LRFN5: variants seen among roughly 807,000 people sequenced by gnomAD.
The protein encoded by LRFN5 is leucine-rich repeat and fibronectin type-III domain-containing protein 5.
Under a neutral mutation model 45.6 loss-of-function variants are expected in LRFN5, and 24 were observed. That is an observed-to-expected ratio of 0.53 (90% confidence interval 0.38 to 0.74). LRFN5 has a LOEUF of 0.74. Among genes scored for constraint, LRFN5 ranks in the 30% least tolerant of loss-of-function variants. LRFN5 has a pLI of 0.00. For missense variants in LRFN5, 776 were observed against 861.5 expected, an observed-to-expected ratio of 0.90 and a Z score of 1.24; for synonymous variants, 340 against 313.8, an observed-to-expected ratio of 1.08 and a Z score of -0.88.
At chr14:41,797,876 T>A (rs1167477113) in intron 2 of LRFN5, among the ~76,000 whole-genome samples, 1 of 151,916 alleles carries the variant, frequency 6.6e-6, no homozygotes, top group Non-Finnish European at 1.5e-5. Context: ...CTTCTCAATT[T>A]TGAATTTTTT....
chr14:41,775,861 T>G (rs2138904227), intron 2 of LRFN5, among the ~76,000 whole-genome samples: 1 of 152,364 alleles, frequency 6.6e-6, no homozygotes, highest in Non-Finnish European at 1.5e-5. Context: ...TCAACATTTC[T>G]TATATGCATC....
At position 41,887,935 on chromosome 14, in the gene LRFN5, T is replaced by G; in HGVS notation, c.1310T>G (p.Phe437Cys). Residue 437 changes from phenylalanine (F) to cysteine (C), a missense_variant, in exon 3 of 6, where the codon TTT (phenylalanine) becomes TGT (cysteine). This residue lies in a region of LRFN5 where 465 missense variants were observed against 456.4 expected (regional missense o/e 1.02). Transcript: ENST00000298119. The surrounding 1 kb of genome is among the most constrained non-coding windows in gnomAD (Gnocchi z 4.8). ...TSSTALLKFN[F>C]QRNIPGIRMF... is the part of the protein sequence containing the mutation. ...TCAACGGCACTACTTAAATTTAATT[T>G]TCAAAGAAATATCCCTGGAATACGT... The G allele has an allele frequency of 6.2e-7, 1 of 1,613,862 alleles. No homozygotes were observed. Among genetic ancestry groups the G allele is most frequent in the South Asian group, 1.1e-5 (1 of 91,052 alleles).
chr14:41,758,084 G>T (rs1885491771), intron 1 of LRFN5, among the ~76,000 whole-genome samples: 1 of 152,100 alleles, frequency 6.6e-6, no homozygotes, highest in South Asian at 2.1e-4. Context: ...CTTTGAAGGT[G>T]TCTTCTCTTT....
intron 1 of LRFN5, among the ~76,000 whole-genome samples, chr14:41,667,798 A>G (rs1880973352): frequency 6.6e-6 from 1 of 152,088 alleles, no homozygotes; most frequent in African/African-American, 2.4e-5. Context: ...ATTCTTCCCA[A>G]TGCTGAATCA....
rs1566613163 is a variant in LRFN5 at position 41,671,619 on chromosome 14, T to TTTTTTTTTTTG, written c.-197+63067_-197+63068insGTTTTTTTTTT. ...TGGAGGAGAGATTTTTTTTTTTCGT[T>TTTTTTTTTTTG]TTTTTTTTTTTTTTTTTTACGGAGT... is the stretch of plus-strand genomic sequence containing the variant. On this transcript the variant is annotated intron_variant, in intron 1 of 5. Coordinates refer to ENST00000298119, the MANE Select transcript of LRFN5 (RefSeq NM_152447.5). Among the ~76,000 whole-genome samples the TTTTTTTTTTTG allele has an allele frequency of 2.9e-4, 37 of 125,732 alleles. No individual in the cohort carries two copies. The East Asian group carries it at 0.01, about 34-fold the overall frequency. The allele number at this position is 125,732 out of a possible 152,430, so 82.5% of individuals were successfully genotyped here.
chr14:41,871,433 T>A (rs1165394365), intron 2 of LRFN5, among the ~76,000 whole-genome samples: 5 of 151,670 alleles, frequency 3.3e-5, no homozygotes, highest in African/African-American at 1.2e-4. Context: ...ACTAAAAAAT[T>A]CAAAAATTAG....
At chr14:41,803,581 A>G (rs1462323702) in intron 2 of LRFN5, among the ~76,000 whole-genome samples, 1 of 151,820 alleles carries the variant, frequency 6.6e-6, no homozygotes, top group Non-Finnish European at 1.5e-5. Context: ...TTTTGAACTC[A>G]AGCAATTTTC....
intron 1 of LRFN5, among the ~76,000 whole-genome samples, chr14:41,703,382 G>GA (rs1437037888): frequency 1.3e-5 from 2 of 151,804 alleles, no homozygotes; most frequent in East Asian, 3.9e-4. Flanking sequence ...TATTTTTCCT[G>GA]AAAAATCAAG....
Position 41,704,438 on chromosome 14 carries a change from C to CTGTGTGTGTGTGTGTGTGTGTG in LRFN5, c.-196-62415_-196-62414insGTGTGTGTGTGTGTGTGTGTGT, listed in dbSNP as rs199862342. Among the ~76,000 whole-genome samples, 47 of 111,688 alleles carry CTGTGTGTGTGTGTGTGTGTGTG rather than the reference C, an allele frequency of 4.2e-4. 1 individual carries two copies. The highest frequency in any genetic ancestry group is 1.1e-3 in the African/African-American group (28 of 24,576). The allele number at this position is 111,688 out of a possible 152,430, so 73.3% of individuals were successfully genotyped here. A position where few individuals can be genotyped will look rare whatever the true frequency, so the allele number is the denominator to read the frequency against. Reference sequence around the variant, plus strand: ...TCTCTCTCTCTCTCTCTCTCTCTCTCTCTCTCTCTCTGTGTGTGTGTGTCT... The same window carrying CTGTGTGTGTGTGTGTGTGTGTG: ...TCTCTCTCTCTCTCTCTCTCTCTCTCTGTGTGTGTGTGTGTGTGTGTGTCTCTCTCTCTGTGTGTGTGTGTCT... On this transcript the variant is annotated intron_variant, in intron 1 of 5. Coordinates refer to ENST00000298119, the MANE Select transcript of LRFN5 (RefSeq NM_152447.5).
At chr14:41,802,727 A>T (rs1887380532) in intron 2 of LRFN5, among the ~76,000 whole-genome samples, 1 of 152,154 alleles carries the variant, frequency 6.6e-6, no homozygotes, top group Non-Finnish European at 1.5e-5. Flanking sequence ...GATGACATTC[A>T]TAGGCAGGAT....
intron 2 of LRFN5, among the ~76,000 whole-genome samples, chr14:41,839,100 A>G (rs1888767302): frequency 6.6e-6 from 1 of 152,112 alleles, no homozygotes; most frequent in African/African-American, 2.4e-5. Flanking sequence ...TATTCTACCT[A>G]CTACTGAACA....
At chr14:41,890,389 A>C (rs1228078303) in intron 3 of LRFN5, among the ~76,000 whole-genome samples, 3 of 152,156 alleles carry the variant, frequency 2.0e-5, no homozygotes, top group African/African-American at 7.2e-5. Context: ...GACTGCATTA[A>C]AAAAGGATTA....
At chr14:41,755,717 C>G (rs908562224) in intron 1 of LRFN5, among the ~76,000 whole-genome samples, 2 of 152,164 alleles carry the variant, frequency 1.3e-5, no homozygotes, top group African/African-American at 4.8e-5. Context: ...GACTCTTTAT[C>G]CAATTTGCCA....
intron 1 of LRFN5, among the ~76,000 whole-genome samples, chr14:41,710,299 A>C (rs912479657): frequency 1.3e-5 from 2 of 152,142 alleles, no homozygotes; most frequent in African/African-American, 4.8e-5. Context: ...AAAGGACTTC[A>C]AATTAATGAA....
chr14:41,780,400 G>A (rs373163844), intron 2 of LRFN5, among the ~76,000 whole-genome samples: 2 of 151,912 alleles, frequency 1.3e-5, no homozygotes, highest in African/African-American at 4.8e-5. Flanking sequence ...GTGTCTTCCT[G>A]AAGAATTGAC....
chr14:41,804,225 T>G (rs2138975344), intron 2 of LRFN5, among the ~76,000 whole-genome samples: 1 of 149,826 alleles, frequency 6.7e-6, no homozygotes, highest in African/African-American at 2.5e-5. Context: ...TTTCAAAGAG[T>G]TTGGCAGAGA....
intron 2 of LRFN5, among the ~76,000 whole-genome samples, chr14:41,875,918 C>T (rs1890169240): frequency 6.6e-6 from 1 of 152,172 alleles, no homozygotes; most frequent in Admixed American, 6.5e-5. Flanking sequence ...CTATAGGCCA[C>T]GTATTTAACC....
intron 1 of LRFN5, chr14:41,733,419 A>G (rs951968068): frequency 1.1e-4 from 17 of 152,144 alleles, no homozygotes; most frequent in African/African-American, 3.9e-4. Flanking sequence ...GAAAATTAAA[A>G]AAAAAAATAT....
At chr14:41,814,871 T>TCC (rs1475592974) in intron 2 of LRFN5, among the ~76,000 whole-genome samples, 1 of 152,124 alleles carries the variant, frequency 6.6e-6, no homozygotes, top group Non-Finnish European at 1.5e-5. Context: ...CGGAATAACA[T>TCC]TTAAGCTTTG....
Sources: allele counts gnomAD v4.1 joint callset (sites outside exome capture counted in the v4.1 genomes callset), GRCh38; gene constraint gnomAD v4.1.1; regional missense constraint gnomAD v4.1.1; non-coding constraint Gnocchi (gnomAD v3.1); transcripts MANE v1.5; gene names NCBI Gene and HGNC (gene_info 2026-07-23, HGNC 2026-07-21).